The following BLTP1 variants were observed in gnomAD, a reference collection of about 807,000 sequenced individuals.
BLTP1 encodes the protein fragile site-associated protein.
At chr4:122,207,682 T>A in the BLTP1 span, 1 of 1,428,270 alleles carries the variant, frequency 7.0e-7, no homozygotes, top group Non-Finnish European at 9.8e-7. Flanking sequence ...GGTGTATTAG[T>A]AAATTTGATT....
chr4:122,309,591 T>A, the BLTP1 span: 2 of 940,320 alleles, frequency 2.1e-6, no homozygotes, highest in East Asian at 5.3e-5. Context: ...AAGGGCTATT[T>A]CTAGTTACAG....
At chr4:122,359,904 G>A in the BLTP1 span, 730 of 985,312 alleles carry the variant, frequency 7.4e-4, 2 homozygotes, top group African/African-American at 0.01. Flanking sequence ...TAGGTAAGGC[G>A]AATGAAGTAC....
chr4:122,267,259 CTG>C, the BLTP1 span, among the ~76,000 whole-genome samples: 1 of 151,796 alleles, frequency 6.6e-6, no homozygotes, highest in Non-Finnish European at 1.5e-5. Context: ...CGGGGTTTCA[CTG>C]TGTTAGCCAG....
At chr4:122,342,516 C>T in the BLTP1 span, among the ~76,000 whole-genome samples, 37,782 of 151,774 alleles carry the variant, frequency 0.25, 5,655 homozygotes, top group Middle Eastern at 0.48. Context: ...CCACCACGCC[C>T]GGCTAGTTTT....
At chr4:122,334,717 G>GT in the BLTP1 span, among the ~76,000 whole-genome samples, 2 of 152,062 alleles carry the variant, frequency 1.3e-5, no homozygotes, top group East Asian at 1.9e-4. Context: ...ATTTTCACCT[G>GT]TTTTTGAAAT....
chr4:122,232,186 A>G, the BLTP1 span: 1 of 874,914 alleles, frequency 1.1e-6, no homozygotes, highest in Non-Finnish European at 1.4e-6. Context: ...CTTACGAGTT[A>G]ACAAGTTAGC....
chr4:122,238,091 G>C, the BLTP1 span: 1 of 1,613,638 alleles, frequency 6.2e-7, no homozygotes. Flanking sequence ...TGTTTGTTTA[G>C]GTAATGTGAA....
At chr4:122,244,903 A>T in the BLTP1 span, 5 of 1,267,932 alleles carry the variant, frequency 3.9e-6, no homozygotes, top group Non-Finnish European at 5.4e-6. Context: ...TCTCATTTCA[A>T]TGTTGAGCAA....
chr4:122,356,201 T>C, the BLTP1 span, among the ~76,000 whole-genome samples: 1 of 152,160 alleles, frequency 6.6e-6, no homozygotes, highest in Non-Finnish European at 1.5e-5. Flanking sequence ...AGAAGAATAA[T>C]TGGACTTCAT....
At chr4:122,281,702 A>G in the BLTP1 span, 3 of 1,611,272 alleles carry the variant, frequency 1.9e-6, no homozygotes, top group Non-Finnish European at 2.5e-6. Flanking sequence ...TGGTATAGCC[A>G]TTGGAGCAGC....
At chr4:122,264,270 C>A in the BLTP1 span, 1 of 1,602,402 alleles carries the variant, frequency 6.2e-7, no homozygotes. Context: ...CCCAATCTTC[C>A]AACAATACCC....
the BLTP1 span, chr4:122,212,039 A>G: frequency 1.3e-5 from 13 of 984,214 alleles, no homozygotes; most frequent in Non-Finnish European, 1.6e-5. Flanking sequence ...CCTAGCTGAC[A>G]AGGAATCCTG....
the BLTP1 span, chr4:122,334,499 C>T: frequency 6.2e-7 from 1 of 1,612,454 alleles, no homozygotes; most frequent in Non-Finnish European, 8.5e-7. Context: ...CTGTCCAGAG[C>T]AAGACTAACA....
At chr4:122,172,530 C>G in the BLTP1 span, 1 of 170,962 alleles carries the variant, frequency 5.8e-6, no homozygotes, top group Middle Eastern at 2.9e-3. Context: ...TACAGGTGGC[C>G]TATTTGATAT....
chr4:122,182,954 C>T, the BLTP1 span: 2 of 938,722 alleles, frequency 2.1e-6, no homozygotes, highest in Admixed American at 1.6e-4. Context: ...TTATTCTTGA[C>T]TTCATACGTG....
chr4:122,240,248 C>T, the BLTP1 span: 5 of 1,614,104 alleles, frequency 3.1e-6, no homozygotes, highest in African/African-American at 5.3e-5. Context: ...ACCCAACCAA[C>T]AAAAGAACCT....
chr4:122,334,256 A>C, the BLTP1 span: 2 of 1,226,052 alleles, frequency 1.6e-6, no homozygotes, highest in African/African-American at 3.1e-5. Flanking sequence ...TCTGACTTCC[A>C]ATGTTCTTTC....
At chr4:122,305,821 T>G in the BLTP1 span, 6 of 1,455,098 alleles carry the variant, frequency 4.1e-6, no homozygotes, top group Non-Finnish European at 5.5e-6. Flanking sequence ...ATGTTTAGTT[T>G]CATATTAAAA....
chr4:122,217,202 T>C, the BLTP1 span, among the ~76,000 whole-genome samples: 1 of 152,164 alleles, frequency 6.6e-6, no homozygotes, highest in Non-Finnish European at 1.5e-5. Context: ...TTCTGTTCCA[T>C]TGGTCTGCGT....
Sources: allele counts gnomAD v4.1 joint callset (sites outside exome capture counted in the v4.1 genomes callset), GRCh38; gene constraint gnomAD v4.1.1; transcripts MANE v1.5; gene names NCBI Gene and HGNC (gene_info 2026-07-23, HGNC 2026-07-21).